Variants in RBFOX3 observed in about 807,000 individuals in gnomAD.
RBFOX3 encodes RNA binding fox-1 homolog 3, also known as RNA binding protein fox-1 homolog 3.
In RBFOX3, 17 loss-of-function variants were observed where a neutral mutation model predicts 48.7. The observed-to-expected ratio is 0.35, with a 90% CI of 0.24 to 0.52. The LOEUF is 0.52. RBFOX3 is among the 20% of genes least tolerant of loss of function. The pLI is 0.94. For synonymous variants in RBFOX3, 212 were observed against 209.5 expected (o/e 1.01, Z -0.10); for missense variants, 382 against 497.5 (o/e 0.77, Z 2.21).
intron 3 of RBFOX3, among the ~76,000 whole-genome samples, chr17:79,292,392 C>G (rs549614938): frequency 4.7e-4 from 72 of 152,152 alleles, no homozygotes; most frequent in African/African-American, 1.7e-3. Flanking sequence ...ACCAGGGGAC[C>G]AGTGCTGTCT....
rs191613755 is a variant in RBFOX3 at position 79,316,373 on chromosome 17, G to T, written c.-174-8549C>A. 3.1e-4 allele frequency among the ~76,000 whole-genome samples: 47 copies of T among 152,352 alleles called. No homozygotes were observed. In the East Asian group the frequency reaches 8.9e-3, roughly 29 times the overall value. On this transcript the variant is annotated intron_variant, in intron 2 of 14. Transcript: ENST00000693108. ...GATGGGGCCAGGCCAGCAGGCTGTG[G>T]TCGGTGCTGTCCAGCTCAGTACAGA...
At chr17:79,511,992 G>A (rs1555781484) in intron 1 of RBFOX3, among the ~76,000 whole-genome samples, 11 of 138,290 alleles carry the variant, frequency 8.0e-5, no homozygotes, top group Middle Eastern at 5.3e-3. Context: ...TTACCATCGG[G>A]TACAGCCCCA....
intron 3 of RBFOX3, among the ~76,000 whole-genome samples, chr17:79,268,255 G>T (rs2067065221): frequency 6.6e-6 from 1 of 152,134 alleles, no homozygotes; most frequent in South Asian, 2.1e-4. Context: ...CCACCCTCAG[G>T]TTGCCTCTGT....
intron 4 of RBFOX3, among the ~76,000 whole-genome samples, chr17:79,165,455 G>A (rs892636911): frequency 2.0e-5 from 3 of 152,326 alleles, no homozygotes; most frequent in Admixed American, 6.5e-5. Flanking sequence ...GGCCGCAGGA[G>A]GGCACAGCGG....
intron 1 of RBFOX3, among the ~76,000 whole-genome samples, chr17:79,557,225 C>CA (rs1167997833): frequency 0.021 from 1,812 of 85,988 alleles, 31 homozygotes; most frequent in Non-Finnish European, 0.029. Context: ...GACACTGTCT[C>CA]AAAAAAAAAA....
chr17:79,203,637 G>A (rs1488179692), intron 4 of RBFOX3, among the ~76,000 whole-genome samples: 15 of 148,926 alleles, frequency 1.0e-4, no homozygotes, highest in African/African-American at 3.5e-4. Flanking sequence ...GTGAAGGGGC[G>A]TGTAAGGACT....
At chr17:79,521,604 C>CAT (rs1200057632) in intron 1 of RBFOX3, among the ~76,000 whole-genome samples, 17,766 of 152,044 alleles carry the variant, frequency 0.12, 3,110 homozygotes, top group African/African-American at 0.38. Flanking sequence ...CATGCAGACA[C>CAT]GTGTAGACAC....
chr17:79,345,420 C>A (rs1036760007), intron 2 of RBFOX3, among the ~76,000 whole-genome samples: 15 of 152,126 alleles, frequency 9.9e-5, no homozygotes, highest in Non-Finnish European at 1.5e-5. Flanking sequence ...AGGGATTGAA[C>A]CAATTTATGC....
chr17:79,115,806 T>G, intron 4 of RBFOX3, 58 bp from the exon 5 acceptor site: 1 of 596,574 alleles, frequency 1.7e-6, no homozygotes. Flanking sequence ...CCGGAGCCCC[T>G]GAGGATGGGG....
At chr17:79,221,590 T>C (rs955434700) in intron 4 of RBFOX3, among the ~76,000 whole-genome samples, 9 of 152,210 alleles carry the variant, frequency 5.9e-5, no homozygotes, top group African/African-American at 2.2e-4. Context: ...CCAACCCAAC[T>C]GTGTCCAGCT....
chr17:79,446,520 T>G (rs1210266128), intron 2 of RBFOX3, among the ~76,000 whole-genome samples: 1 of 152,178 alleles, frequency 6.6e-6, no homozygotes, highest in East Asian at 1.9e-4. Flanking sequence ...TGGAAGCAGC[T>G]CTCCCTAAGA....
rs1039323643 is a variant in RBFOX3, at chr17:79,471,730, T to C, written c.-175+10724A>G. Among the ~76,000 whole-genome samples the C allele has an allele frequency of 2.0e-5, 3 of 152,172 alleles. No individual in the cohort carries two copies. The highest frequency in any genetic ancestry group is 4.4e-5 in the Non-Finnish European group (3 of 68,030). ...GTGAGTAGCACTGCCTGTGTCCCCA[T>C]GGCCAGGGCGTGTGCAGAGCCTGGG... On this transcript the variant is annotated intron_variant, in intron 2 of 14. Coordinates refer to ENST00000693108, the MANE Select transcript of RBFOX3 (RefSeq NM_001350451.2). The surrounding 1 kb of genome is among the most constrained non-coding windows in gnomAD (Gnocchi z 4.0).
At chr17:79,463,698 T>C (rs797029942) in intron 2 of RBFOX3, among the ~76,000 whole-genome samples, 63,624 of 111,508 alleles carry the variant, frequency 0.57, 17,591 homozygotes, top group Middle Eastern at 0.64. Context: ...GCCACTGCCA[T>C]CACCACTGCC....
chr17:79,550,841 T>G (rs969853343), intron 1 of RBFOX3, among the ~76,000 whole-genome samples: 1 of 152,200 alleles, frequency 6.6e-6, no homozygotes, highest in Non-Finnish European at 1.5e-5. Context: ...GATGATACTC[T>G]GTTGAAATAA....
rs1419661542 is a variant in RBFOX3, at chr17:79,418,436, AAAG to A, written c.-175+64015_-175+64017del. On this transcript the variant is annotated intron_variant, in intron 2 of 14. Transcript: ENST00000693108. This position sits in a 1 kb window ranked among gnomAD's most constrained non-coding sequence, Gnocchi z 5.0. ...AGATAATCTCCTTGAACAATTTCAT[AAAG>A]AAGGATTCACACCGTGCCACGCGAG... Among the ~76,000 whole-genome samples, 7 of 152,190 alleles carry A rather than the reference AAAG, an allele frequency of 4.6e-5. No individual in the cohort carries two copies. The highest frequency in any genetic ancestry group is 2.1e-4 in the South Asian group (1 of 4,824).
chr17:79,450,407 G>GGCAAATGCC (rs2073256542), intron 2 of RBFOX3, among the ~76,000 whole-genome samples: 1 of 152,172 alleles, frequency 6.6e-6, no homozygotes, highest in South Asian at 2.1e-4. Flanking sequence ...GATGTGAAGA[G>GGCAAATGCC]GCAAATGCCG....
the RBFOX3 span, among the ~76,000 whole-genome samples, chr17:79,645,613 C>T: frequency 6.6e-6 from 1 of 152,182 alleles, no homozygotes; most frequent in Admixed American, 6.5e-5. Flanking sequence ...CAGTCCAGCC[C>T]AGGGAGCCCA....
chr17:79,435,230 A>C (rs868928220), intron 2 of RBFOX3, among the ~76,000 whole-genome samples: 2 of 152,210 alleles, frequency 1.3e-5, no homozygotes, highest in Middle Eastern at 3.4e-3. Context: ...GCTGGTTCTC[A>C]GTTTGGAGTC....
intron 3 of RBFOX3, among the ~76,000 whole-genome samples, chr17:79,278,194 C>A (rs1454036923): frequency 1.3e-5 from 2 of 152,066 alleles, no homozygotes; most frequent in Admixed American, 6.5e-5. Context: ...GGAGAGGCAG[C>A]ACCAGAACTC....
Sources: allele counts gnomAD v4.1 joint callset (sites outside exome capture counted in the v4.1 genomes callset), GRCh38; gene constraint gnomAD v4.1.1; non-coding constraint Gnocchi (gnomAD v3.1); transcripts MANE v1.5; gene names NCBI Gene and HGNC (gene_info 2026-07-23, HGNC 2026-07-21).